Variants in RAB3C observed in about 807,000 individuals in gnomAD.
The protein encoded by RAB3C is RAB3C, member RAS oncogene family.
A neutral mutation model predicts 26.4 loss-of-function variants in RAB3C; 17 were observed. The ratio of observed to expected loss-of-function variants is 0.64; its 90% CI spans 0.44 to 0.97. RAB3C has a LOEUF of 0.97. Among genes scored for constraint, RAB3C ranks in the 50% least tolerant of loss-of-function variants. RAB3C has a pLI of 0.00. For synonymous variants in RAB3C, 91 were observed against 95.9 expected (o/e 0.95, Z 0.30); for missense variants, 242 against 281.9 (o/e 0.86, Z 1.01).
chr5:58,649,640 CT>C (rs989041014), intron 2 of RAB3C, among the ~76,000 whole-genome samples: 8 of 152,068 alleles, frequency 5.3e-5, no homozygotes, highest in African/African-American at 1.9e-4. Context: ...CATAATTTCC[CT>C]TTCTGGGTCT....
intron 2 of RAB3C, among the ~76,000 whole-genome samples, chr5:58,719,640 A>G (rs1740697791): frequency 6.6e-6 from 1 of 152,006 alleles, no homozygotes; most frequent in South Asian, 2.1e-4. Context: ...TAGCAGTGCC[A>G]TGCTGTCACT....
intron 1 of RAB3C, among the ~76,000 whole-genome samples, chr5:58,612,538 A>ATATG (rs1414429600): frequency 2.0e-4 from 13 of 64,748 alleles, no homozygotes; most frequent in African/African-American, 7.0e-4. Flanking sequence ...ATATATATAT[A>ATATG]TATATATATG....
chr5:58,617,777 C>A lies in RAB3C; in HGVS notation c.159C>A (p.Asp53Glu). 6.2e-7 allele frequency: 1 copy of A among 1,612,800 alleles called. No homozygotes were observed. The highest frequency in any genetic ancestry group is 1.1e-5 in the South Asian group (1 of 91,052). ...CTTTTCTATTCCGTTATGCAGATGA[C>A]TCCTTTACATCTGCATTCGTCAGCA... ...KTSFLFRYAD[D>E]SFTSAFVSTV... The change falls in exon 2 of 5, where the codon GAC (aspartate) becomes GAA (glutamate). Residue 53 changes from aspartate (D) to glutamate (E), a missense_variant. Asp to Glu is a conservative substitution (Grantham distance 45). Transcript: ENST00000282878.
intron 1 of RAB3C, among the ~76,000 whole-genome samples, chr5:58,595,829 T>C (rs893720837): frequency 6.6e-6 from 1 of 152,190 alleles, no homozygotes; most frequent in African/African-American, 2.4e-5. Context: ...AGAAACCTTA[T>C]GTATATTTTA....
intron 1 of RAB3C, among the ~76,000 whole-genome samples, chr5:58,592,840 T>C (rs914095438): frequency 6.6e-6 from 1 of 152,162 alleles, no homozygotes; most frequent in African/African-American, 2.4e-5. Flanking sequence ...AGATTTTCTG[T>C]TTAACTTTGA....
At chr5:58,692,268 G>A (rs185288481) in intron 2 of RAB3C, among the ~76,000 whole-genome samples, 6 of 151,938 alleles carry the variant, frequency 3.9e-5, no homozygotes, top group African/African-American at 4.8e-5. Context: ...CAAACGTTTC[G>A]ATAATGCATT....
intron 3 of RAB3C, among the ~76,000 whole-genome samples, chr5:58,737,658 T>A (rs1468279586): frequency 6.6e-6 from 1 of 151,882 alleles, no homozygotes; most frequent in Admixed American, 6.6e-5. Flanking sequence ...CTTATTCACA[T>A]TGTATCTCCA....
chr5:58,596,555 CAT>C (rs1323441832), intron 1 of RAB3C, among the ~76,000 whole-genome samples: 2 of 117,054 alleles, frequency 1.7e-5, no homozygotes, highest in Non-Finnish European at 3.4e-5. Flanking sequence ...CTATATAATA[CAT>C]ATATTATATA....
At chr5:58,826,877 C>G (rs1743493159) in intron 4 of RAB3C, among the ~76,000 whole-genome samples, 1 of 152,188 alleles carries the variant, frequency 6.6e-6, no homozygotes, top group Non-Finnish European at 1.5e-5. Context: ...GGTCACTCTT[C>G]CTCTTGATCA....
intron 3 of RAB3C, among the ~76,000 whole-genome samples, chr5:58,813,389 T>C (rs1019717776): frequency 2.0e-5 from 3 of 151,828 alleles, no homozygotes; most frequent in African/African-American, 7.3e-5. Flanking sequence ...ACAGGACATT[T>C]AGGCCTCCAG....
At chr5:58,667,684 A>G (rs917797378) in intron 2 of RAB3C, among the ~76,000 whole-genome samples, 1 of 152,192 alleles carries the variant, frequency 6.6e-6, no homozygotes, top group African/African-American at 2.4e-5. Context: ...ATTATATATC[A>G]TTGAATTCTG....
rs750297617 is a variant in RAB3C, at chr5:58,678,007, C to CGT, written c.253-47982_253-47981dup. 4.0e-3 allele frequency among the ~76,000 whole-genome samples: 317 copies of CGT among 78,504 alleles called. 2 individuals are homozygous for CGT. The highest frequency in any genetic ancestry group is 0.013 in the African/African-American group (277 of 21,896). 51.5% of individuals were successfully genotyped at this position (78,504 alleles called of 152,430 possible). On this transcript the variant is annotated intron_variant, in intron 2 of 4. Coordinates refer to ENST00000282878, the MANE Select transcript of RAB3C (RefSeq NM_138453.4). ...GTGTGTGTGTGTGTGTGTGTGCATG[C>CGT]GTGTGTGTGTGTGTTCAAGGTACAT...
chr5:58,628,539 A>AG (rs11459569), intron 2 of RAB3C, among the ~76,000 whole-genome samples: 2,172 of 152,244 alleles, frequency 0.014, 45 homozygotes, highest in African/African-American at 0.049. Flanking sequence ...TCATCATGGA[A>AG]GGGGCCACAG....
intron 3 of RAB3C, among the ~76,000 whole-genome samples, chr5:58,796,610 G>A (rs906520880): frequency 3.3e-4 from 51 of 152,256 alleles, no homozygotes; most frequent in African/African-American, 1.1e-3. Flanking sequence ...ATGGGATGGC[G>A]AGGCACCTGG....
chr5:58,614,994 A>AT (rs1332239203), intron 1 of RAB3C, among the ~76,000 whole-genome samples: 1 of 152,172 alleles, frequency 6.6e-6, no homozygotes, highest in Non-Finnish European at 1.5e-5. Context: ...TGCATAAGTC[A>AT]TATGTGAATA....
chr5:58,582,966 C>A (rs971988825), upstream of RAB3C: 1 of 1,117,370 alleles, frequency 8.9e-7, no homozygotes, highest in Non-Finnish European at 1.2e-6. Flanking sequence ...AGTTGTAGTT[C>A]ACCGCTCGCC....
intron 3 of RAB3C, among the ~76,000 whole-genome samples, chr5:58,763,984 G>C (rs1344034696): frequency 6.6e-6 from 1 of 152,026 alleles, no homozygotes; most frequent in Non-Finnish European, 1.5e-5. Context: ...CTAAATGAAG[G>C]TTATCATGTT....
chr5:58,781,249 A>T (rs1412385451), intron 3 of RAB3C, among the ~76,000 whole-genome samples: 4 of 152,154 alleles, frequency 2.6e-5, no homozygotes, highest in African/African-American at 7.2e-5. Flanking sequence ...GTTTGCATAT[A>T]ACCTTTGGGT....
At chr5:58,718,072 C>T (rs184413354) in intron 2 of RAB3C, among the ~76,000 whole-genome samples, 2 of 152,196 alleles carry the variant, frequency 1.3e-5, no homozygotes, top group Admixed American at 1.3e-4. Flanking sequence ...AAAAACAATT[C>T]TCAACCTTGA....
Sources: allele counts gnomAD v4.1 joint callset (sites outside exome capture counted in the v4.1 genomes callset), GRCh38; gene constraint gnomAD v4.1.1; transcripts MANE v1.5; gene names NCBI Gene and HGNC (gene_info 2026-07-23, HGNC 2026-07-21).